RARB: variants seen among roughly 807,000 people sequenced by gnomAD.
The protein encoded by RARB is HBV-activated protein.
Under a neutral mutation model 51.9 loss-of-function variants are expected in RARB, and 17 were observed. The ratio of observed to expected loss-of-function variants is 0.33; its 90% CI spans 0.22 to 0.49. The LOEUF (loss-of-function observed/expected upper bound fraction) is 0.49. Among genes scored for constraint, RARB ranks in the 20% least tolerant of loss-of-function variants. RARB has a pLI of 0.99. For missense variants in RARB, 369 were observed against 550.8 expected, an observed-to-expected ratio of 0.67 and a Z score of 3.30; for synonymous variants, 215 against 195.4, an observed-to-expected ratio of 1.10 and a Z score of -0.84.
intron 4 of RARB, among the ~76,000 whole-genome samples, chr3:25,147,915 A>G (rs1343607899): frequency 6.6e-6 from 1 of 152,242 alleles, no homozygotes; most frequent in Non-Finnish European, 1.5e-5. Flanking sequence ...CATTGAATAC[A>G]TCTGTAATTG....
At chr3:24,867,253 G>A (rs895969352) in intron 2 of RARB, among the ~76,000 whole-genome samples, 78 of 152,094 alleles carry the variant, frequency 5.1e-4, no homozygotes, top group Non-Finnish European at 1.1e-3. Context: ...TTGGGGAGGG[G>A]CTATTATCAT....
At chr3:25,263,487 A>G (rs900966790) in intron 5 of RARB, among the ~76,000 whole-genome samples, 14 of 152,122 alleles carry the variant, frequency 9.2e-5, no homozygotes, top group Admixed American at 5.2e-4. Context: ...TTAATTTGAA[A>G]TGTTGTTTAT....
intron 5 of RARB, among the ~76,000 whole-genome samples, chr3:25,383,347 A>G (rs908324384): frequency 6.6e-6 from 1 of 152,230 alleles, no homozygotes; most frequent in African/African-American, 2.4e-5. Flanking sequence ...TGGAAAGAGC[A>G]TGGCTCCTCA....
intron 5 of RARB, among the ~76,000 whole-genome samples, chr3:25,584,567 C>G (rs1449571223): frequency 6.6e-6 from 1 of 152,000 alleles, no homozygotes; most frequent in Non-Finnish European, 1.5e-5. Context: ...GTTCAAAGGC[C>G]CTGGGGCAGA....
chr3:25,423,514 C>T (rs968542531), upstream of RARB, among the ~76,000 whole-genome samples: 1 of 152,102 alleles, frequency 6.6e-6, no homozygotes, highest in Non-Finnish European at 1.5e-5. Context: ...AACAGCACCC[C>T]CCCACACAAT....
At chr3:25,147,801 G>A (rs1311353887) in intron 4 of RARB, among the ~76,000 whole-genome samples, 1 of 152,202 alleles carries the variant, frequency 6.6e-6, no homozygotes, top group Non-Finnish European at 1.5e-5. Flanking sequence ...CATGGTTCTA[G>A]CCAATGAGAC....
intron 2 of RARB, among the ~76,000 whole-genome samples, chr3:24,933,279 T>C (rs1329498932): frequency 2.0e-5 from 3 of 146,930 alleles, no homozygotes; most frequent in African/African-American, 7.4e-5. Flanking sequence ...TATTTCACTA[T>C]ACATTTTTTT....
intron 5 of RARB, among the ~76,000 whole-genome samples, chr3:25,348,009 C>G (rs552930050): frequency 6.6e-5 from 10 of 152,298 alleles, no homozygotes; most frequent in African/African-American, 2.4e-4. Context: ...AGAATCATTG[C>G]AAACGTACTG....
chr3:25,245,704 A>G (rs1702542793), intron 5 of RARB, among the ~76,000 whole-genome samples: 1 of 152,178 alleles, frequency 6.6e-6, no homozygotes, highest in African/African-American at 2.4e-5. Context: ...CTTTGTGGGT[A>G]ACCTGACCTT....
intron 2 of RARB, among the ~76,000 whole-genome samples, chr3:25,004,337 A>G (rs1697225270): frequency 1.3e-5 from 2 of 152,268 alleles, no homozygotes; most frequent in South Asian, 2.1e-4. Context: ...TTGTAGTGCT[A>G]TAACAGGATA....
At chr3:25,215,681 T>C (rs1412463064) in intron 5 of RARB, among the ~76,000 whole-genome samples, 1 of 152,138 alleles carries the variant, frequency 6.6e-6, no homozygotes, top group Admixed American at 6.5e-5. Context: ...AACCAGCCTT[T>C]CCTGGTAGCT....
chr3:25,002,971 T>C (rs1697198658), intron 2 of RARB, among the ~76,000 whole-genome samples: 1 of 152,120 alleles, frequency 6.6e-6, no homozygotes, highest in Non-Finnish European at 1.5e-5. Flanking sequence ...GTAAAAGATC[T>C]TCATACCTAA....
At chr3:25,113,822 G>C (rs557194919) in intron 3 of RARB, among the ~76,000 whole-genome samples, 1 of 152,238 alleles carries the variant, frequency 6.6e-6, no homozygotes, top group South Asian at 2.1e-4. Context: ...AAAGGACCCT[G>C]AGCAGAGAAC....
intron 2 of RARB, among the ~76,000 whole-genome samples, chr3:24,935,705 G>A (rs998289675): frequency 5.3e-5 from 8 of 152,126 alleles, no homozygotes; most frequent in African/African-American, 1.9e-4. Flanking sequence ...TTTTCAAGTA[G>A]GCCTGGCAGG....
intron 3 of RARB, among the ~76,000 whole-genome samples, chr3:25,113,434 G>A (rs1699635787): frequency 6.6e-6 from 1 of 152,160 alleles, no homozygotes. Flanking sequence ...TAAACATACA[G>A]TGGAAATATT....
chr3:25,006,135 C>T (rs1697267661), intron 2 of RARB, among the ~76,000 whole-genome samples: 1 of 152,048 alleles, frequency 6.6e-6, no homozygotes. Flanking sequence ...AAGACCTTTC[C>T]TGACCACCTT....
chr3:25,595,370 T>G (rs1309195518), intron 7 of RARB, among the ~76,000 whole-genome samples: 1 of 152,208 alleles, frequency 6.6e-6, no homozygotes, highest in Non-Finnish European at 1.5e-5. Flanking sequence ...GAATAAACTC[T>G]GTATTTCAGA....
chr3:24,947,739 A>G (rs1695805384), intron 2 of RARB, among the ~76,000 whole-genome samples: 1 of 152,072 alleles, frequency 6.6e-6, no homozygotes, highest in Non-Finnish European at 1.5e-5. Flanking sequence ...GAAGGGAGGA[A>G]CTCAGGTAAG....
chr3:25,501,013 G>A (rs1380148865), intron 2 of RARB, among the ~76,000 whole-genome samples, 169 bp from the exon 3 acceptor site: 1 of 152,116 alleles, frequency 6.6e-6, no homozygotes, highest in Non-Finnish European at 1.5e-5. Flanking sequence ...AACAAAGGAA[G>A]AAACTATTGA....
Sources: allele counts gnomAD v4.1 joint callset (sites outside exome capture counted in the v4.1 genomes callset), GRCh38; gene constraint gnomAD v4.1.1; transcripts MANE v1.5; gene names NCBI Gene and HGNC (gene_info 2026-07-23, HGNC 2026-07-21).